The following AP1M1 variants were observed in gnomAD, a reference collection of about 807,000 sequenced individuals.
The protein encoded by AP1M1 is adaptor related protein complex 1 subunit mu 1, also known as AP-1 complex subunit mu-1.
In AP1M1, 18 loss-of-function variants were observed where a neutral mutation model predicts 57.1. That is an observed-to-expected ratio of 0.32 (90% CI 0.22 to 0.47). AP1M1 has a LOEUF of 0.47. Among genes scored for constraint, AP1M1 ranks in the 20% least tolerant of loss-of-function variants. The pLI, the probability that AP1M1 is intolerant of heterozygous loss-of-function variation, is 1.00. For missense variants in AP1M1, 362 were observed against 593.5 expected, an observed-to-expected ratio of 0.61 and a Z score of 4.05; for synonymous variants, 241 against 237.9, an observed-to-expected ratio of 1.01 and a Z score of -0.12.
chr19:16,197,992 G>GCCCTCGGCCGCTGCCGCCGCCACCT lies in AP1M1; in HGVS notation c.-19_-18insCCGCCACCTCCCTCGGCCGCTGCCG. On this transcript the variant is annotated 5_prime_UTR_variant, in exon 1 of 12. Coordinates refer to ENST00000291439, the MANE Select transcript of AP1M1 (RefSeq NM_032493.4). ...CCCCACCGTCGCTGCCGCCGCCACC[G>GCCCTCGGCCGCTGCCGCCGCCACCT]CCCTCGGCCGCTGCCGAGGCCTCCT... 6.4e-7 allele frequency: 1 copy of GCCCTCGGCCGCTGCCGCCGCCACCT among 1,550,824 alleles called. No homozygotes were observed. Among genetic ancestry groups the GCCCTCGGCCGCTGCCGCCGCCACCT allele is most frequent in the Non-Finnish European group, 8.7e-7 (1 of 1,152,016 alleles).
intron 5 of AP1M1, among the ~76,000 whole-genome samples, chr19:16,219,863 A>G (rs1245062533): frequency 1.3e-5 from 2 of 152,196 alleles, no homozygotes; most frequent in African/African-American, 4.8e-5. Context: ...TCAGGGCTCA[A>G]AAAGTTTTGG....
Position 16,208,283 on chromosome 19 carries a change from C to T in AP1M1, c.398+134C>T, listed in dbSNP as rs1314305904. The T allele has an allele frequency of 9.0e-6, 9 of 999,672 alleles. No homozygotes were observed. In the African/African-American group the frequency reaches 1.1e-4, roughly 13 times the overall value. The allele number at this position is 999,672 out of a possible 1,614,324, so 61.9% of individuals were successfully genotyped here. A position where few individuals can be genotyped will look rare whatever the true frequency, so the allele number is the denominator to read the frequency against. On this transcript the variant is annotated intron_variant, in intron 4 of 11. Coordinates refer to ENST00000291439, the MANE Select transcript of AP1M1 (RefSeq NM_032493.4). ...CCTGCCTCCCACCTCCAGCAGTATT[C>T]GGGTTTTTACTAAGTTGCTCTTAGT...
chr19:16,222,621 G>GTTTTTC (rs2091551253), intron 5 of AP1M1, among the ~76,000 whole-genome samples: 1 of 151,722 alleles, frequency 6.6e-6, no homozygotes, highest in Admixed American at 6.6e-5. Context: ...TTTTGTTTTT[G>GTTTTTC]TTTTGAGACA....
At chr19:16,198,247 A>G (rs1290384897) in intron 1 of AP1M1, 179 bp downstream of exon 1, 3 of 512,102 alleles carry the variant, frequency 5.9e-6, no homozygotes, top group African/African-American at 4.1e-5. Flanking sequence ...CGGGGGTCTT[A>G]AGTGGGTAAT....
intron 9 of AP1M1, among the ~76,000 whole-genome samples, chr19:16,232,561 G>A (rs1389730599): frequency 2.0e-5 from 3 of 152,184 alleles, no homozygotes; most frequent in Non-Finnish European, 4.4e-5. Flanking sequence ...TCTTCCCCCC[G>A]TCATCCTCCT....
At chr19:16,201,402 T>TTTTTC (rs2091446418) in intron 1 of AP1M1, among the ~76,000 whole-genome samples, 1 of 138,472 alleles carries the variant, frequency 7.2e-6, no homozygotes, top group Non-Finnish European at 1.6e-5. Context: ...TTTTTTTTTT[T>TTTTTC]TTTTTTTTTT....
chr19:16,204,285 G>C (rs570027390), intron 2 of AP1M1, among the ~76,000 whole-genome samples: 4 of 152,220 alleles, frequency 2.6e-5, no homozygotes, highest in Admixed American at 1.3e-4. Flanking sequence ...TGGGCCCATG[G>C]GGAGACTTGG....
intron 5 of AP1M1, 125 bp downstream of exon 5, chr19:16,209,302 G>A (rs551710272): frequency 1.9e-5 from 20 of 1,075,926 alleles, no homozygotes; most frequent in East Asian, 1.5e-4. Flanking sequence ...GCAGGATTCA[G>A]TTTGGGCCAC....
chr19:16,209,287 A>C, intron 5 of AP1M1, 110 bp downstream of exon 5: 1 of 1,253,330 alleles, frequency 8.0e-7, no homozygotes, highest in Middle Eastern at 2.1e-4. Context: ...GTGTGGTAAC[A>C]GATAGCAGGA....
At chr19:16,200,593 C>T (rs927865337) in intron 1 of AP1M1, among the ~76,000 whole-genome samples, 2 of 152,314 alleles carry the variant, frequency 1.3e-5, no homozygotes, top group Middle Eastern at 3.4e-3. Context: ...AAGTCAGCCT[C>T]GTGAGCCGAC....
intron 5 of AP1M1, among the ~76,000 whole-genome samples, chr19:16,223,932 T>A (rs2091557337): frequency 6.6e-6 from 1 of 152,226 alleles, no homozygotes; most frequent in South Asian, 2.1e-4. Flanking sequence ...GTGGACTGTA[T>A]GGGCTCAGCC....
Position 16,240,000 on chromosome 19 carries a change from A to G in AP1M1, c.*5565A>G, listed in dbSNP as rs372156220. On this transcript the variant is annotated 3_prime_UTR_variant, in exon 12 of 12. Transcript: ENST00000291439. ...GTGAGTTGAAAATATTTGAAAAACA[A>G]TTGTGTCTGTGCTGGACATGTACAG... 3.3e-5 allele frequency: 5 copies of G among 152,080 alleles called. No homozygotes were observed. The East Asian group carries it at 7.7e-4, about 23-fold the overall frequency. The allele number at this position is 152,080 out of a possible 1,614,324, so 9.4% of individuals were successfully genotyped here.
chr19:16,212,428 T>G (rs2091499124), intron 5 of AP1M1, among the ~76,000 whole-genome samples: 1 of 152,232 alleles, frequency 6.6e-6, no homozygotes, highest in African/African-American at 2.4e-5. Flanking sequence ...TTTGTAGTTC[T>G]GTGGGGTCAA....
rs1358829219 is a variant in AP1M1 at position 16,235,074 on chromosome 19, G to A, written c.*639G>A. 6.5e-6 allele frequency: 1 copy of A among 152,938 alleles called. No homozygotes were observed. The highest frequency in any genetic ancestry group is 1.5e-5 in the Non-Finnish European group (1 of 68,566). 9.5% of individuals were successfully genotyped at this position (152,938 alleles called of 1,614,324 possible). ...GCACCTGGCGCGCTCGGGGGCCACT[G>A]TAGCGTCTGCCTGCTCCCTGGACTC... On this transcript the variant is annotated 3_prime_UTR_variant, in exon 12 of 12. Coordinates refer to ENST00000291439, the MANE Select transcript of AP1M1 (RefSeq NM_032493.4).
At position 16,228,681 on chromosome 19, in the gene AP1M1, C is replaced by G; in HGVS notation, c.889-89C>G. 2 of 1,498,350 alleles carry G rather than the reference C, an allele frequency of 1.3e-6. No individual in the cohort carries two copies. Among genetic ancestry groups the G allele is most frequent in the South Asian group, 2.4e-5 (2 of 83,572 alleles). The allele number at this position is 1,498,350 out of a possible 1,614,324, so 92.8% of individuals were successfully genotyped here. On this transcript the variant is annotated intron_variant, in intron 8 of 11. Transcript: ENST00000291439. This position sits in a 1 kb window ranked among gnomAD's most constrained non-coding sequence, Gnocchi z 5.0. ...AGGGGCGGGGCTAGGGAGGATCCCC[C>G]GGGCCAGGCTGAGGGGCATGTGTCC... is the stretch of plus-strand genomic sequence containing the variant.
At chr19:16,224,137 G>A (rs1025446164) in intron 5 of AP1M1, among the ~76,000 whole-genome samples, 6 of 152,348 alleles carry the variant, frequency 3.9e-5, no homozygotes, top group South Asian at 2.1e-4. Flanking sequence ...CGCGCACTCC[G>A]TGCAGACCTC....
At chr19:16,205,686 G>A (rs777764589) in intron 2 of AP1M1, among the ~76,000 whole-genome samples, 7 of 152,314 alleles carry the variant, frequency 4.6e-5, no homozygotes, top group South Asian at 4.1e-4. Context: ...AGGGAAAAAG[G>A]AATAGGAAGC....
rs2091572096 is a variant in AP1M1 at position 16,226,542 on chromosome 19, C to T, written c.668C>T (p.Thr223Met). ...AACGACAAGGTCCTCTTTGACAACA[C>T]GGGCCGTGAGTACCCTTGCCAAGGG... ...GLNDKVLFDN[T>M]GRGKSKSVEL... Residue 223 changes from threonine (T) to methionine (M), a missense_variant, in exon 6 of 12, where the codon ACG (threonine) becomes ATG (methionine). Coordinates refer to ENST00000291439, the MANE Select transcript of AP1M1 (RefSeq NM_032493.4). 1 of 1,584,088 alleles carries T rather than the reference C, an allele frequency of 6.3e-7. No individual in the cohort carries two copies.
At chr19:16,205,971 C>G (rs1266394918) in intron 2 of AP1M1, among the ~76,000 whole-genome samples, 2 of 152,154 alleles carry the variant, frequency 1.3e-5, no homozygotes, top group Non-Finnish European at 2.9e-5. Flanking sequence ...ATGATGAGGT[C>G]AGCTTTGGAG....
Sources: gnomAD v4.1 joint callset for allele counts (sites outside exome capture counted in the v4.1 genomes callset) on GRCh38, gnomAD v4.1.1 for gene constraint, Gnocchi (gnomAD v3.1) non-coding constraint, MANE v1.5 for transcripts, NCBI Gene and HGNC (gene_info 2026-07-23, HGNC 2026-07-21) for gene names.